The following SUCLG2 variants were observed in gnomAD, a reference collection of about 807,000 sequenced individuals.
SUCLG2 encodes the protein succinate-CoA ligase GDP-forming subunit beta, also known as succinate--CoA ligase [GDP-forming] subunit beta, mitochondrial.
SUCLG2 carries 42 observed loss-of-function variants against 47.9 expected under a neutral mutation model. That is an observed-to-expected ratio of 0.88 (90% CI 0.69 to 1.14). The LOEUF is 1.14. Among genes scored for constraint, SUCLG2 ranks in the 50% most tolerant of loss-of-function variants. The probability of loss-of-function intolerance (pLI) is 0.00; values close to 1 mark genes in which losing one functional copy is unlikely to be tolerated. For synonymous variants in SUCLG2, 195 were observed against 197.3 expected, an observed-to-expected ratio of 0.99 and a Z score of 0.10; for missense variants, 571 against 525.9, an observed-to-expected ratio of 1.09 and a Z score of -0.84.
At chr3:67,526,078 C>T (rs1559558250) in intron 4 of SUCLG2, among the ~76,000 whole-genome samples, 3 of 152,154 alleles carry the variant, frequency 2.0e-5, no homozygotes, top group Admixed American at 1.3e-4. Flanking sequence ...AAGATCAGTG[C>T]ACCGCCATTT....
chr3:67,590,904 TAA>T (rs1248274093), intron 2 of SUCLG2, among the ~76,000 whole-genome samples: 1 of 117,774 alleles, frequency 8.5e-6, no homozygotes, highest in African/African-American at 2.7e-5. Flanking sequence ...CTTTGGACAT[TAA>T]GAGAGAGAGA....
At chr3:67,510,931 GCC>G (rs1705770453) in intron 6 of SUCLG2, among the ~76,000 whole-genome samples, 1 of 125,218 alleles carries the variant, frequency 8.0e-6, no homozygotes, top group African/African-American at 3.1e-5. Context: ...TTGCAGTGTT[GCC>G]AGCCTGGAGT....
At chr3:67,411,046 A>G (rs1702922374) in intron 9 of SUCLG2, among the ~76,000 whole-genome samples, 1 of 152,224 alleles carries the variant, frequency 6.6e-6, no homozygotes, top group African/African-American at 2.4e-5. Flanking sequence ...GAGTTAATAT[A>G]GAGAACACCC....
In SUCLG2 at chr3:67,408,761, C is replaced by T. The variant is rs939180784; in HGVS notation, c.1063-7910G>A. Reference sequence around the variant, plus strand: ...TATTGAGTGTTAATTTTCCTAGGTGCTAAAATTATGTATTATAACTTTCCC... The same window carrying T: ...TATTGAGTGTTAATTTTCCTAGGTGTTAAAATTATGTATTATAACTTTCCC... On this transcript the variant is annotated intron_variant, in intron 9 of 10. Coordinates refer to ENST00000307227, the MANE Select transcript of SUCLG2 (RefSeq NM_003848.4). The T allele has an allele frequency of 7.5e-6, 10 of 1,340,734 alleles. No individual in the cohort carries two copies. In the African/African-American group the frequency reaches 1.2e-4, roughly 16 times the overall value. The allele number at this position is 1,340,734 out of a possible 1,614,324, so 83.1% of individuals were successfully genotyped here.
intron 9 of SUCLG2, among the ~76,000 whole-genome samples, chr3:67,404,714 G>A (rs773158602): frequency 1.3e-5 from 2 of 152,066 alleles, no homozygotes; most frequent in African/African-American, 2.4e-5. Flanking sequence ...ATGGAAATCT[G>A]ATTTAAGGTT....
intron 1 of SUCLG2, among the ~76,000 whole-genome samples, chr3:67,613,415 A>G (rs1215195745): frequency 6.6e-6 from 1 of 152,210 alleles, no homozygotes; most frequent in Non-Finnish European, 1.5e-5. Flanking sequence ...TCACAGTATC[A>G]TATCAATTAA....
At chr3:67,467,485 T>C (rs573256322) in intron 9 of SUCLG2, among the ~76,000 whole-genome samples, 19 of 152,220 alleles carry the variant, frequency 1.2e-4, no homozygotes, top group Non-Finnish European at 2.4e-4. Context: ...AGGCCTGCAA[T>C]GACAGACTTT....
chr3:67,418,482 C>T (rs1452400145), intron 9 of SUCLG2, among the ~76,000 whole-genome samples: 1 of 152,150 alleles, frequency 6.6e-6, no homozygotes, highest in South Asian at 2.1e-4. Context: ...GAGCTTTAAC[C>T]ATTACACTAA....
chr3:67,635,821 CT>C (rs1701000511), intron 1 of SUCLG2, among the ~76,000 whole-genome samples: 1 of 152,308 alleles, frequency 6.6e-6, no homozygotes, highest in Admixed American at 6.5e-5. Flanking sequence ...CAAAGCAGGC[CT>C]TTTGTTTCCC....
At chr3:67,652,936 A>T (rs6786211) in intron 1 of SUCLG2, among the ~76,000 whole-genome samples, 55,619 of 152,024 alleles carry the variant, frequency 0.37, 10,507 homozygotes, top group African/African-American at 0.42. Context: ...ATTTACAGAA[A>T]AACACATCAT....
intron 9 of SUCLG2, among the ~76,000 whole-genome samples, chr3:67,484,212 C>T (rs1704991552): frequency 6.6e-6 from 1 of 152,184 alleles, no homozygotes; most frequent in Non-Finnish European, 1.5e-5. Flanking sequence ...GTCCTTCCTT[C>T]CAATGCTTGC....
At chr3:67,558,348 A>T (rs1050007997) in intron 2 of SUCLG2, among the ~76,000 whole-genome samples, 6 of 149,388 alleles carry the variant, frequency 4.0e-5, no homozygotes, top group African/African-American at 1.5e-4. Context: ...AAAAAAAAAA[A>T]TACGGTTTAC....
intron 4 of SUCLG2, among the ~76,000 whole-genome samples, chr3:67,521,356 C>T (rs1706096604): frequency 6.6e-6 from 1 of 152,230 alleles, no homozygotes; most frequent in South Asian, 2.1e-4. Context: ...TTGCCAGGGC[C>T]ATGACTAGAC....
intron 9 of SUCLG2, among the ~76,000 whole-genome samples, chr3:67,418,099 A>G (rs1703075483): frequency 6.6e-6 from 1 of 152,194 alleles, no homozygotes; most frequent in South Asian, 2.1e-4. Flanking sequence ...CACTGGCTCT[A>G]TCACTTATTA....
chr3:67,510,675 T>C (rs1705762713), intron 6 of SUCLG2, among the ~76,000 whole-genome samples: 1 of 152,216 alleles, frequency 6.6e-6, no homozygotes, highest in Non-Finnish European at 1.5e-5. Flanking sequence ...GACTAAATAA[T>C]ATCTTACTGT....
chr3:67,462,549 C>T (rs555297752), intron 9 of SUCLG2, among the ~76,000 whole-genome samples: 4 of 152,314 alleles, frequency 2.6e-5, no homozygotes, highest in East Asian at 1.9e-4. Flanking sequence ...TTCTGTAGGG[C>T]GGCATGCCCA....
intron 2 of SUCLG2, among the ~76,000 whole-genome samples, chr3:67,545,920 A>G (rs1706850670): frequency 6.6e-6 from 1 of 152,200 alleles, no homozygotes; most frequent in Non-Finnish European, 1.5e-5. Flanking sequence ...CCACTCCCAA[A>G]TAAGAATGTA....
chr3:67,409,645 A>G (rs555266533), intron 9 of SUCLG2, among the ~76,000 whole-genome samples: 1 of 152,266 alleles, frequency 6.6e-6, no homozygotes, highest in East Asian at 1.9e-4. Flanking sequence ...CTAAAGGTTT[A>G]GTCTGTCAAC....
intron 2 of SUCLG2, among the ~76,000 whole-genome samples, chr3:67,571,107 A>G (rs552985885): frequency 2.6e-5 from 4 of 152,262 alleles, no homozygotes; most frequent in African/African-American, 9.6e-5. Context: ...TTCTCAGTAT[A>G]CCACAGGATG....
Sources: gnomAD v4.1 joint callset for allele counts (sites outside exome capture counted in the v4.1 genomes callset) on GRCh38, gnomAD v4.1.1 for gene constraint, MANE v1.5 for transcripts, NCBI Gene and HGNC (gene_info 2026-07-23, HGNC 2026-07-21) for gene names.